FBN3: variants seen among roughly 807,000 people sequenced by gnomAD.
FBN3 encodes the protein fibrillin-3.
FBN3 carries 234 observed loss-of-function variants against 330.1 expected under a neutral mutation model. The observed-to-expected ratio is 0.71, with a 90% CI of 0.64 to 0.79. FBN3 has a LOEUF of 0.79. Ranked by LOEUF, FBN3 falls within the 30% of genes least tolerant of loss-of-function variation. The pLI, the probability that FBN3 is intolerant of heterozygous loss-of-function variation, is 0.00. For synonymous variants in FBN3, 1,458 were observed against 1,517.3 expected, an observed-to-expected ratio of 0.96 and a Z score of 0.91; for missense variants, 3,606 against 3,886.9, an observed-to-expected ratio of 0.93 and a Z score of 1.92.
rs1284051493 is a variant in FBN3 at position 8,065,766 on chromosome 19, G to A, written c.*153C>T. On this transcript the variant is annotated 3_prime_UTR_variant, in exon 64 of 64. Transcript: ENST00000600128. ...CGGGGCTGGCACAGAGGCCCAGGCAGAGGCCGGGCTTGCCTGAGGTTGTCG... is the reference window on the plus strand; with the variant it reads ...CGGGGCTGGCACAGAGGCCCAGGCAAAGGCCGGGCTTGCCTGAGGTTGTCG... The A allele has an allele frequency of 1.5e-6, 1 of 687,816 alleles. No individual in the cohort carries two copies. Among genetic ancestry groups the A allele is most frequent in the South Asian group, 2.2e-5 (1 of 45,354 alleles). 42.6% of individuals were successfully genotyped at this position (687,816 alleles called of 1,614,324 possible). A position where few individuals can be genotyped will look rare whatever the true frequency, so the allele number is the denominator to read the frequency against.
At chr19:8,083,151 T>C (rs894949501) in intron 57 of FBN3, 96 bp downstream of exon 57, 1 of 1,465,644 alleles carries the variant, frequency 6.8e-7, no homozygotes, top group South Asian at 1.2e-5. Flanking sequence ...AAGCCTAACA[T>C]TGCAAAGTGG....
rs1282051020 is a variant in FBN3, at chr19:8,129,603, G to A, written c.2045-238C>T. ...GCCATCCCACGCATTTTAGGATGTC[G>A]AGCAGCTCCCGTGGCCTCCACCCAT... On this transcript the variant is annotated intron_variant, in intron 16 of 63. Coordinates refer to ENST00000600128, the MANE Select transcript of FBN3 (RefSeq NM_032447.5). This position sits in a 1 kb window ranked among gnomAD's most constrained non-coding sequence, Gnocchi z 4.5. Among the ~76,000 whole-genome samples the A allele has an allele frequency of 1.3e-5, 2 of 152,056 alleles. No homozygotes were observed. The highest frequency in any genetic ancestry group is 2.9e-5 in the Non-Finnish European group (2 of 68,010).
chr19:8,134,441 G>A (rs1249233168), intron 13 of FBN3, among the ~76,000 whole-genome samples: 2 of 152,152 alleles, frequency 1.3e-5, no homozygotes, highest in African/African-American at 4.8e-5. Context: ...AGCCAGGTAT[G>A]CTGGCTCATG....
At chr19:8,125,793 A>C in intron 22 of FBN3, 99 bp downstream of exon 22, 1 of 1,094,996 alleles carries the variant, frequency 9.1e-7, no homozygotes, top group South Asian at 2.4e-5. Context: ...TCCATCTCAA[A>C]AAAAAAAAAA....
chr19:8,129,534 G>T lies in FBN3; in HGVS notation c.2045-169C>A, dbSNP rs1336045702. 6.6e-6 allele frequency among the ~76,000 whole-genome samples: 1 copy of T among 152,126 alleles called. No individual in the cohort carries two copies. Among genetic ancestry groups the T allele is most frequent in the Non-Finnish European group, 1.5e-5 (1 of 68,022 alleles). ...CTCTAAACCGAGGTTTCTCAGCCTGGACACTGCTGACATTTGGGGCCAGAT... is the reference window on the plus strand; with the variant it reads ...CTCTAAACCGAGGTTTCTCAGCCTGTACACTGCTGACATTTGGGGCCAGAT... On this transcript the variant is annotated intron_variant, in intron 16 of 63. Coordinates refer to ENST00000600128, the MANE Select transcript of FBN3 (RefSeq NM_032447.5). The surrounding 1 kb of genome is among the most constrained non-coding windows in gnomAD (Gnocchi z 4.5).
intron 59 of FBN3, among the ~76,000 whole-genome samples, chr19:8,080,286 C>T (rs1439488538): frequency 1.3e-5 from 2 of 152,220 alleles, no homozygotes; most frequent in African/African-American, 4.8e-5. Context: ...TAGGCTCTGC[C>T]TTTGGGGAAG....
At chr19:8,100,214 G>A (rs1326524845) in intron 41 of FBN3, among the ~76,000 whole-genome samples, 1 of 152,092 alleles carries the variant, frequency 6.6e-6, no homozygotes, top group Admixed American at 6.6e-5. Context: ...GATGGGGAGT[G>A]AGAGTTTCAT....
chr19:8,096,950 T>G lies in FBN3; in HGVS notation c.5344A>C (p.Asn1782His). 1 of 1,613,800 alleles carries G rather than the reference T, an allele frequency of 6.2e-7. No homozygotes were observed. The highest frequency in any genetic ancestry group is 8.5e-7 in the Non-Finnish European group (1 of 1,180,004). The change falls in exon 43 of 64, where the codon AAC becomes CAC. Residue 1782 changes from asparagine to histidine, a missense_variant. Transcript: ENST00000600128. This position sits in a 1 kb window ranked among gnomAD's most constrained non-coding sequence, Gnocchi z 4.6. The stretch of plus-strand genomic sequence containing the variant: ...TTGCAGCGGTAGCTACCGGGGATGT[T>G]GATGCAGTCAGCATTCTGCTGGCAG... ...SPCQQNADCI[N>H]IPGSYRCKCT...
chr19:8,111,500 G>C, intron 32 of FBN3, 148 bp downstream of exon 32: 2 of 914,802 alleles, frequency 2.2e-6, no homozygotes, highest in Non-Finnish European at 3.2e-6. Flanking sequence ...AGCACCGCCT[G>C]GGCCGAGGAC....
chr19:8,111,563 G>T, intron 32 of FBN3, 85 bp downstream of exon 32: 1 of 1,407,704 alleles, frequency 7.1e-7, no homozygotes, highest in Non-Finnish European at 9.6e-7. Flanking sequence ...GAGTCAGGAG[G>T]TCGAGTGACC....
Position 8,149,367 on chromosome 19 carries a change from C to A in FBN3, c.-18+82G>T, listed in dbSNP as rs1038947423. ...ACAAAGGAATCCTCTCCCCCTCCCC[C>A]TGCCGGCCCCCCCGCCCCCGCCTTC... On this transcript the variant is annotated intron_variant, in intron 1 of 63. Coordinates refer to ENST00000600128, the MANE Select transcript of FBN3 (RefSeq NM_032447.5). This position sits in a 1 kb window ranked among gnomAD's most constrained non-coding sequence, Gnocchi z 5.5. The A allele has an allele frequency of 6.6e-6, 1 of 151,734 alleles. No homozygotes were observed. Among genetic ancestry groups the A allele is most frequent in the African/African-American group, 2.4e-5 (1 of 41,392 alleles). 9.4% of individuals were successfully genotyped at this position (151,734 alleles called of 1,614,324 possible).
Position 8,111,981 on chromosome 19 carries a change from A to G in FBN3, c.3957T>C (p.Cys1319=). Reference sequence around the variant, plus strand: ...TCCCTGCCCCCAGGTACTCACCGTGACATTCGAAGCCATCCCCCACCCAGC... The same window carrying G: ...TCCCTGCCCCCAGGTACTCACCGTGGCATTCGAAGCCATCCCCCACCCAGC... ...LPGWVGDGFE[C]HDLDECVSQE... The change falls in exon 31 of 64, where the codon TGT becomes TGC. Residue 1319 remains cysteine, a synonymous_variant. Transcript: ENST00000600128. The G allele has an allele frequency of 6.5e-7, 1 of 1,526,842 alleles. No homozygotes were observed. The highest frequency in any genetic ancestry group is 8.9e-7 in the Non-Finnish European group (1 of 1,129,408). The allele number at this position is 1,526,842 out of a possible 1,614,324, so 94.6% of individuals were successfully genotyped here. A position where few individuals can be genotyped will look rare whatever the true frequency, so the allele number is the denominator to read the frequency against.
At chr19:8,117,663 G>A in intron 26 of FBN3, 74 bp from the exon 27 acceptor site, 2 of 1,461,596 alleles carry the variant, frequency 1.4e-6, no homozygotes, top group South Asian at 1.4e-5. Context: ...CACACTGGGG[G>A]CACACATGCA....
Position 8,111,990 on chromosome 19 carries a change from G to A in FBN3, c.3948C>T (p.Gly1316=). 1 of 1,596,360 alleles carries A rather than the reference G, an allele frequency of 6.3e-7. No individual in the cohort carries two copies. The highest frequency in any genetic ancestry group is 8.5e-7 in the Non-Finnish European group (1 of 1,171,772). Residue 1316 remains glycine, a synonymous_variant, in exon 31 of 64, where the codon GGC becomes GGT. Transcript: ENST00000600128. ...CCAGGTACTCACCGTGACATTCGAAGCCATCCCCCACCCAGCCTGGCAGGC... is the reference window on the plus strand; with the variant it reads ...CCAGGTACTCACCGTGACATTCGAAACCATCCCCCACCCAGCCTGGCAGGC... ...CRCLPGWVGD[G]FECHDLDECV... is the part of the protein sequence containing the mutation.
At chr19:8,115,973 C>G (rs931137822) in intron 29 of FBN3, among the ~76,000 whole-genome samples, 1 of 152,046 alleles carries the variant, frequency 6.6e-6, no homozygotes, top group Non-Finnish European at 1.5e-5. Flanking sequence ...CTTTTCAGAG[C>G]CTTTATGCCA....
At chr19:8,119,725 G>C (rs1434685612) in intron 25 of FBN3, among the ~76,000 whole-genome samples, 2 of 151,328 alleles carry the variant, frequency 1.3e-5, no homozygotes, top group African/African-American at 4.9e-5. Flanking sequence ...TGTTGGCCAG[G>C]CTGGTCTCAA....
intron 51 of FBN3, among the ~76,000 whole-genome samples, chr19:8,088,935 T>G (rs1375585547): frequency 2.0e-5 from 3 of 150,688 alleles, no homozygotes; most frequent in African/African-American, 7.3e-5. Flanking sequence ...AATGAGGGAG[T>G]GATTGAATGA....
intron 57 of FBN3, 82 bp downstream of exon 57, chr19:8,083,165 G>A (rs2081846407): frequency 3.3e-6 from 5 of 1,532,798 alleles, no homozygotes; most frequent in Non-Finnish European, 4.5e-6. Flanking sequence ...AAAGTGGAAA[G>A]TCTCAGGGAA....
intron 56 of FBN3, among the ~76,000 whole-genome samples, chr19:8,084,159 A>G (rs1199663820): frequency 1.3e-5 from 2 of 152,136 alleles, no homozygotes; most frequent in African/African-American, 4.8e-5. Flanking sequence ...TATCAGTGAC[A>G]CACTCAGTGA....
Sources: allele counts gnomAD v4.1 joint callset (sites outside exome capture counted in the v4.1 genomes callset), GRCh38; gene constraint gnomAD v4.1.1; non-coding constraint Gnocchi (gnomAD v3.1); transcripts MANE v1.5; gene names NCBI Gene and HGNC (gene_info 2026-07-23, HGNC 2026-07-21).